HS6ST3: variants seen among roughly 807,000 people sequenced by gnomAD.
HS6ST3 encodes heparan sulfate 6-O-sulfotransferase 3.
In HS6ST3, 12 loss-of-function variants were observed where a neutral mutation model predicts 36.7. That is an observed-to-expected ratio of 0.33 (90% confidence interval 0.21 to 0.53). The LOEUF is 0.53. Among genes scored for constraint, HS6ST3 ranks in the 20% least tolerant of loss-of-function variants. The pLI is 0.95. For missense variants in HS6ST3, 584 were observed against 640.9 expected (o/e 0.91, Z 0.96); for synonymous variants, 240 against 257.5 (o/e 0.93, Z 0.65).
chr13:96,290,156 C>A (rs1311905773), intron 1 of HS6ST3, among the ~76,000 whole-genome samples: 1 of 150,724 alleles, frequency 6.6e-6, no homozygotes, highest in Non-Finnish European at 1.5e-5. Context: ...CCTTAATGCT[C>A]CCCCTGATGC....
chr13:96,764,947 A>G (rs1003980660), intron 1 of HS6ST3, among the ~76,000 whole-genome samples: 1 of 151,760 alleles, frequency 6.6e-6, no homozygotes, highest in African/African-American at 2.4e-5. Flanking sequence ...TTCATTGGCC[A>G]TGTCGTTAAG....
At chr13:96,218,998 C>T (rs559027691) in intron 1 of HS6ST3, among the ~76,000 whole-genome samples, 3 of 152,086 alleles carry the variant, frequency 2.0e-5, no homozygotes, top group Non-Finnish European at 4.4e-5. Context: ...CTAAGCCATC[C>T]CCTGACAGGG....
intron 1 of HS6ST3, among the ~76,000 whole-genome samples, chr13:96,676,524 G>T (rs112204606): frequency 6.6e-6 from 1 of 152,044 alleles, no homozygotes; most frequent in African/African-American, 2.4e-5. Context: ...TGAATTATTC[G>T]AGATATGAGC....
intron 1 of HS6ST3, among the ~76,000 whole-genome samples, chr13:96,670,179 C>T (rs1291674959): frequency 6.6e-6 from 1 of 152,038 alleles, no homozygotes; most frequent in Non-Finnish European, 1.5e-5. Flanking sequence ...ATCCTGGAAA[C>T]CAAATAAAGA....
At chr13:96,338,999 CAGTT>C (rs1170558785) in intron 1 of HS6ST3, among the ~76,000 whole-genome samples, 1 of 151,994 alleles carries the variant, frequency 6.6e-6, no homozygotes, top group Non-Finnish European at 1.5e-5. Flanking sequence ...ACAGAACAGT[CAGTT>C]AAACTGCTGC....
intron 1 of HS6ST3, among the ~76,000 whole-genome samples, chr13:96,126,149 T>C (rs1181488559): frequency 5.9e-5 from 9 of 152,202 alleles, no homozygotes; most frequent in Admixed American, 5.9e-4. Context: ...TGACCTCATA[T>C]AGACCATTAA....
intron 1 of HS6ST3, among the ~76,000 whole-genome samples, chr13:96,757,104 C>G (rs1381107973): frequency 1.3e-5 from 2 of 152,120 alleles, no homozygotes; most frequent in Non-Finnish European, 2.9e-5. Context: ...TTCTTTTTGG[C>G]TATAGAATTC....
At chr13:96,225,653 C>T (rs1177404762) in intron 1 of HS6ST3, among the ~76,000 whole-genome samples, 1 of 152,026 alleles carries the variant, frequency 6.6e-6, no homozygotes, top group Non-Finnish European at 1.5e-5. Context: ...CTTTACTTTT[C>T]TATTTTAATA....
chr13:96,763,351 A>T (rs56061016), intron 1 of HS6ST3, among the ~76,000 whole-genome samples: 6,600 of 150,230 alleles, frequency 0.044, 230 homozygotes, highest in South Asian at 0.099. Flanking sequence ...ACTAGCAGGG[A>T]GTCATGGCAC....
At chr13:96,308,520 A>G (rs1373800695) in intron 1 of HS6ST3, among the ~76,000 whole-genome samples, 2 of 152,126 alleles carry the variant, frequency 1.3e-5, no homozygotes, top group African/African-American at 4.8e-5. Flanking sequence ...AGATATTTGC[A>G]TCAGGCAGCA....
intron 1 of HS6ST3, among the ~76,000 whole-genome samples, chr13:96,592,987 G>T (rs761515538): frequency 4.6e-5 from 7 of 151,746 alleles, no homozygotes; most frequent in Non-Finnish European, 2.9e-5. Context: ...CTCTAGGGTT[G>T]GGAAGTTCTC....
chr13:96,291,455 A>G (rs2054829557), intron 1 of HS6ST3, among the ~76,000 whole-genome samples: 1 of 152,186 alleles, frequency 6.6e-6, no homozygotes, highest in South Asian at 2.1e-4. Context: ...ATGTTCTTGA[A>G]TATGGGCTAG....
intron 1 of HS6ST3, among the ~76,000 whole-genome samples, chr13:96,791,107 T>A (rs1254056859): frequency 1.3e-5 from 2 of 151,970 alleles, no homozygotes; most frequent in Non-Finnish European, 2.9e-5. Context: ...TAGGACGACA[T>A]CCTCAAGTTT....
At chr13:96,184,765 A>G (rs2054257674) in intron 1 of HS6ST3, among the ~76,000 whole-genome samples, 2 of 151,760 alleles carry the variant, frequency 1.3e-5, no homozygotes, top group African/African-American at 2.4e-5. Flanking sequence ...GTTATTTTCA[A>G]TCTCAACCCC....
chr13:96,426,298 C>T (rs1886560), intron 1 of HS6ST3, among the ~76,000 whole-genome samples: 42,579 of 151,862 alleles, frequency 0.28, 7,359 homozygotes, highest in Non-Finnish European at 0.39. Flanking sequence ...GCTCGTAAAG[C>T]CTATAATTAG....
At chr13:96,157,241 T>G (rs2054114758) in intron 1 of HS6ST3, among the ~76,000 whole-genome samples, 1 of 152,216 alleles carries the variant, frequency 6.6e-6, no homozygotes, top group Admixed American at 6.5e-5. Context: ...GTTTTCAGTT[T>G]TATTGCCATC....
chr13:96,748,957 T>C (rs1252991320), intron 1 of HS6ST3, among the ~76,000 whole-genome samples: 3 of 152,156 alleles, frequency 2.0e-5, no homozygotes, highest in African/African-American at 7.2e-5. Flanking sequence ...CTTCCTATTA[T>C]ACTTCAGTTT....
At chr13:96,255,001 C>T (rs906646180) in intron 1 of HS6ST3, among the ~76,000 whole-genome samples, 6 of 152,126 alleles carry the variant, frequency 3.9e-5, no homozygotes, top group African/African-American at 7.2e-5. Context: ...GTAAAATGAA[C>T]GCGTCAGAGT....
At chr13:96,335,688 A>T (rs184275173) in intron 1 of HS6ST3, among the ~76,000 whole-genome samples, 1 of 152,332 alleles carries the variant, frequency 6.6e-6, no homozygotes. Flanking sequence ...CACAGAGTGT[A>T]GTTTTATAAA....
Sources: allele counts gnomAD v4.1 joint callset (sites outside exome capture counted in the v4.1 genomes callset), GRCh38; gene constraint gnomAD v4.1.1; transcripts MANE v1.5; gene names NCBI Gene and HGNC (gene_info 2026-07-23, HGNC 2026-07-21).